PAK5: variants seen among roughly 807,000 people sequenced by gnomAD.
PAK5 encodes p21 (RAC1) activated kinase 5, also known as serine/threonine-protein kinase PAK 5.
A neutral mutation model predicts 65.9 loss-of-function variants in PAK5; 16 were observed. The ratio of observed to expected loss-of-function variants is 0.24; its 90% CI spans 0.16 to 0.37. The LOEUF is 0.37. PAK5 is among the 10% of genes least tolerant of loss of function. The pLI is 1.00. For synonymous variants in PAK5, 371 were observed against 354.9 expected, an observed-to-expected ratio of 1.05 and a Z score of -0.51; for missense variants, 785 against 903.9, an observed-to-expected ratio of 0.87 and a Z score of 1.69.
At chr20:9,681,312 T>C (rs979982100) in intron 2 of PAK5, among the ~76,000 whole-genome samples, 5 of 152,154 alleles carry the variant, frequency 3.3e-5, no homozygotes, top group African/African-American at 1.2e-4. Flanking sequence ...CAACATATGC[T>C]TCTTATTTCT....
chr20:9,679,224 G>A (rs1327114689), intron 2 of PAK5, among the ~76,000 whole-genome samples: 1 of 152,126 alleles, frequency 6.6e-6, no homozygotes, highest in Non-Finnish European at 1.5e-5. Context: ...TAATAATACA[G>A]TATATAATAC....
At position 9,557,702 on chromosome 20, in the gene PAK5, A is replaced by C. The variant is rs1190357887; in HGVS notation, c.1649T>G (p.Leu550Arg). The change falls in exon 7 of 10, where the codon CTG becomes CGG. Residue 550 changes from leucine to arginine, a missense_variant. Leu to Arg is a moderately radical substitution (Grantham distance 102). Around this residue, in one of 4 missense-constraint regions of PAK5, gnomAD observed 182 missense variants for 273.0 expected, o/e 0.67. Coordinates refer to ENST00000353224, the MANE Select transcript of PAK5 (RefSeq NM_177990.4). ...GTAGGAGAGAGCTCTCAGAACTGAC[A>C]GGCAGACAGTAGCTATCTGTTCTTC... The part of the protein sequence containing the change: ...MNEEQIATVC[L>R]SVLRALSYLH... The C allele has an allele frequency of 6.2e-7, 1 of 1,611,038 alleles. No individual in the cohort carries two copies. Among genetic ancestry groups the C allele is most frequent in the African/African-American group, 1.3e-5 (1 of 74,848 alleles).
At chr20:9,829,243 C>T (rs4816180) in intron 1 of PAK5, among the ~76,000 whole-genome samples, 107,322 of 152,080 alleles carry the variant, frequency 0.71, 38,063 homozygotes, top group Middle Eastern at 0.78. Context: ...GAAATCTGCA[C>T]GAACAGAAAT....
At position 9,737,280 on chromosome 20, in the gene PAK5, A is replaced by T. The variant is rs542911367; in HGVS notation, c.-161-25845T>A. Among the ~76,000 whole-genome samples the T allele has an allele frequency of 1.6e-4, 25 of 152,314 alleles. No individual in the cohort carries two copies. In the East Asian group the frequency reaches 4.4e-3, roughly 27 times the overall value. On this transcript the variant is annotated intron_variant, in intron 1 of 9. Transcript: ENST00000353224. ...CCTCTAAGGAACACAGTGTATAGAT[A>T]GACACAAATAAATTGAATTAAACAA...
intron 1 of PAK5, among the ~76,000 whole-genome samples, chr20:9,788,879 AAC>A (rs932126600): frequency 3.9e-4 from 60 of 152,262 alleles, no homozygotes; most frequent in African/African-American, 1.4e-3. Context: ...AGCAGCTGGG[AAC>A]ACAGACATGT....
At chr20:9,648,457 G>A (rs1260568917) in intron 2 of PAK5, among the ~76,000 whole-genome samples, 2 of 151,328 alleles carry the variant, frequency 1.3e-5, no homozygotes, top group African/African-American at 2.4e-5. Context: ...GAAAACAGGG[G>A]TTGAACATAA....
At position 9,711,348 on chromosome 20, in the gene PAK5, A is replaced by C. The variant is rs1437737794; in HGVS notation, c.-74T>G. On this transcript the variant is annotated 5_prime_UTR_variant, in exon 2 of 10. Coordinates refer to ENST00000353224, the MANE Select transcript of PAK5 (RefSeq NM_177990.4). ...AGGAGTGTGGCTATTTCTATTCTGC[A>C]ACTTTTCGCTGGTGCTTGTCAGTCT... The C allele has an allele frequency of 6.6e-6, 1 of 152,144 alleles. No homozygotes were observed. Among genetic ancestry groups the C allele is most frequent in the Non-Finnish European group, 1.5e-5 (1 of 68,018 alleles). 9.4% of individuals were successfully genotyped at this position (152,144 alleles called of 1,614,324 possible).
At position 9,639,291 on chromosome 20, in the gene PAK5, GA is replaced by G. The variant is rs1201548652; in HGVS notation, c.204+4833del. On this transcript the variant is annotated intron_variant, in intron 3 of 9. Coordinates refer to ENST00000353224, the MANE Select transcript of PAK5 (RefSeq NM_177990.4). ...GTCTGGTAGTCACAGGATTCTGTTT[GA>G]CCACCAATATTGTCTACTGTCTGCC... 1.3e-5 allele frequency among the ~76,000 whole-genome samples: 2 copies of G among 152,074 alleles called. 1 individual carries two copies. Among genetic ancestry groups the G allele is most frequent in the African/African-American group, 4.8e-5 (2 of 41,390 alleles).
chr20:9,549,993 A>C (rs567195511), intron 7 of PAK5, among the ~76,000 whole-genome samples: 1 of 152,266 alleles, frequency 6.6e-6, no homozygotes, highest in Admixed American at 6.5e-5. Context: ...ACATGTCCTT[A>C]ACCTTGGTAA....
intron 2 of PAK5, among the ~76,000 whole-genome samples, chr20:9,677,073 G>C (rs538792865): frequency 1.2e-3 from 175 of 151,696 alleles, no homozygotes; most frequent in African/African-American, 4.1e-3. Context: ...GTGTGTGTGT[G>C]TGTGTGTGTG....
In PAK5 at chr20:9,580,173, A is replaced by G; in HGVS notation, c.962T>C (p.Leu321Ser). 1 of 1,613,282 alleles carries G rather than the reference A, an allele frequency of 6.2e-7. No homozygotes were observed. Among genetic ancestry groups the G allele is most frequent in the Non-Finnish European group, 8.5e-7 (1 of 1,179,418 alleles). ...HSYNSYTYPR[L>S]SEPTMCIPKV... ...TGGAATGCACATTGTGGGCTCGGAC[A>G]AGCGAGGGTAGGTGTAGGAGTTGTA... Residue 321 changes from leucine to serine, a missense_variant, in exon 4 of 10, where the codon TTG becomes TCG. By Grantham distance (145) the Leu-to-Ser change is moderately radical. This residue lies in a region of PAK5 where 422 missense variants were observed against 413.3 expected (regional missense o/e 1.02). Coordinates refer to ENST00000353224, the MANE Select transcript of PAK5 (RefSeq NM_177990.4).
intron 3 of PAK5, among the ~76,000 whole-genome samples, chr20:9,627,796 T>C (rs2046867115): frequency 6.6e-6 from 1 of 151,914 alleles, no homozygotes; most frequent in Non-Finnish European, 1.5e-5. Context: ...CAGGCTAATT[T>C]TTGTAAATTT....
At chr20:9,690,810 A>G (rs1024689593) in intron 2 of PAK5, among the ~76,000 whole-genome samples, 1 of 139,772 alleles carries the variant, frequency 7.2e-6, no homozygotes, top group Non-Finnish European at 1.5e-5. Flanking sequence ...GCTGGAGTGC[A>G]ATGGCGCAAT....
intron 2 of PAK5, among the ~76,000 whole-genome samples, chr20:9,667,853 C>T (rs762736489): frequency 6.6e-6 from 1 of 152,126 alleles, no homozygotes; most frequent in South Asian, 2.1e-4. Context: ...TTGTTGCATG[C>T]TCTGTTAGTA....
intron 4 of PAK5, 121 bp from the exon 5 acceptor site, chr20:9,566,505 C>A (rs2045684231): frequency 1.0e-6 from 1 of 972,312 alleles, no homozygotes; most frequent in Middle Eastern, 2.3e-4. Flanking sequence ...ATGAGAGGAT[C>A]TGGCTGGGGC....
intron 1 of PAK5, among the ~76,000 whole-genome samples, chr20:9,720,933 A>G (rs1232088244): frequency 2.6e-5 from 4 of 152,108 alleles, no homozygotes; most frequent in African/African-American, 9.7e-5. Context: ...ATTTGTGGTT[A>G]CCAGAGACTT....
rs867766150 is a variant in PAK5, at chr20:9,667,350, G to C, written c.-11-23011C>G. On this transcript the variant is annotated intron_variant, in intron 2 of 9. Coordinates refer to ENST00000353224, the MANE Select transcript of PAK5 (RefSeq NM_177990.4). ...CCTATAGTGACTGTGGCAGAGTTATGCTTTGCCAGTCTGTGTTCAGGCCCT... is the reference window on the plus strand; with the variant it reads ...CCTATAGTGACTGTGGCAGAGTTATCCTTTGCCAGTCTGTGTTCAGGCCCT... Among the ~76,000 whole-genome samples, 119 of 101,108 alleles carry C rather than the reference G, an allele frequency of 1.2e-3. 10 individuals are homozygous for C. The highest frequency in any genetic ancestry group is 3.8e-3 in the East Asian group (7 of 1,836). The allele number at this position is 101,108 out of a possible 152,430, so 66.3% of individuals were successfully genotyped here.
In PAK5 at chr20:9,539,370, C is replaced by T; in HGVS notation, c.*92G>A. ...CCCACCAATTGGCTGGTCTAGAATG[C>T]ACAGGCCTTTTGCATGTTCTGTGTT... On this transcript the variant is annotated 3_prime_UTR_variant, in exon 10 of 10. Transcript: ENST00000353224. 1 of 1,280,654 alleles carries T rather than the reference C, an allele frequency of 7.8e-7. No homozygotes were observed. 79.3% of individuals were successfully genotyped at this position (1,280,654 alleles called of 1,614,324 possible).
intron 1 of PAK5, among the ~76,000 whole-genome samples, chr20:9,808,601 G>A (rs1264769703): frequency 6.6e-6 from 1 of 152,172 alleles, no homozygotes; most frequent in Non-Finnish European, 1.5e-5. Context: ...AAAACATTAT[G>A]CTAAGTGAAA....
Sources: gnomAD v4.1 joint callset for allele counts (sites outside exome capture counted in the v4.1 genomes callset) on GRCh38, gnomAD v4.1.1 for gene constraint, gnomAD v4.1.1 regional missense constraint, MANE v1.5 for transcripts, NCBI Gene and HGNC (gene_info 2026-07-23, HGNC 2026-07-21) for gene names.